MRPL10: variants seen among roughly 807,000 people sequenced by gnomAD.
The protein encoded by MRPL10 is mitochondrial ribosomal protein L10.
A neutral mutation model predicts 19.8 loss-of-function variants in MRPL10; 14 were observed. That is an observed-to-expected ratio of 0.71 (90% CI 0.47 to 1.11). The LOEUF (loss-of-function observed/expected upper bound fraction) is 1.11. Ranked by LOEUF, MRPL10 falls within the 50% of genes least tolerant of loss-of-function variation. MRPL10 has a pLI of 0.00. For missense variants in MRPL10, 318 were observed against 339.6 expected, an observed-to-expected ratio of 0.94 and a Z score of 0.50; for synonymous variants, 129 against 139.2, an observed-to-expected ratio of 0.93 and a Z score of 0.52.
In MRPL10 at chr17:47,831,535, GC is replaced by G. The variant is rs1567952218; in HGVS notation, c.-25del. The stretch of plus-strand genomic sequence containing the variant: ...ATCTCCACCGGAAGAATGGACGGAA[GC>G]CGAGTGGAGACGGAAAGAGCTAAGG... On this transcript the variant is annotated 5_prime_UTR_variant, in exon 1 of 5. Transcript: ENST00000351111. The G allele has an allele frequency of 6.5e-7, 1 of 1,547,140 alleles. No homozygotes were observed. The highest frequency in any genetic ancestry group is 2.0e-5 in the Admixed American group (1 of 50,654).
In MRPL10 at chr17:47,824,032, G is replaced by A; in HGVS notation, c.*173C>T. 1.3e-6 allele frequency: 1 copy of A among 789,290 alleles called. No homozygotes were observed. Among genetic ancestry groups the A allele is most frequent in the Non-Finnish European group, 2.0e-6 (1 of 501,314 alleles). 48.9% of individuals were successfully genotyped at this position (789,290 alleles called of 1,614,324 possible). ...AGGACGAAGCCGGTGACTGACATCT[G>A]AAATGGAATCCTCTGCATCTCCAAG... On this transcript the variant is annotated 3_prime_UTR_variant, in exon 5 of 5. Transcript: ENST00000351111.
chr17:47,831,340 AAGG>A (rs1567951989), intron 1 of MRPL10, 117 bp downstream of exon 1: 11 of 1,537,494 alleles, frequency 7.2e-6, no homozygotes, highest in South Asian at 4.8e-5. Context: ...TGGACGGGGT[AAGG>A]AGGCCAGCGA....
Position 47,827,038 on chromosome 17 carries a change from AC to A in MRPL10, c.387+1del. ...ACCCATGCCAAGGGGCCTGCTCCCT[AC>A]CTGGTTGGGGAAGACCTTCATCAGG... is the stretch of plus-strand genomic sequence containing the variant. On this transcript the variant is annotated splice_donor_variant, in intron 3 of 4. Transcript: ENST00000351111. LOFTEE classifies it high-confidence loss of function. 6.2e-7 allele frequency: 1 copy of A among 1,608,562 alleles called. No individual in the cohort carries two copies. Among genetic ancestry groups the A allele is most frequent in the Non-Finnish European group, 8.5e-7 (1 of 1,176,944 alleles).
chr17:47,828,226 G>T, intron 2 of MRPL10: 2 of 284,290 alleles, frequency 7.0e-6, no homozygotes, highest in Non-Finnish European at 1.3e-5. Context: ...AAAGATTGGA[G>T]AGATACTCTC....
At chr17:47,826,991 G>A (rs375762164) in intron 3 of MRPL10, 49 bp downstream of exon 3, 3 of 1,562,814 alleles carry the variant, frequency 1.9e-6, no homozygotes, top group Non-Finnish European at 2.6e-6. Flanking sequence ...TGAGTCTGGT[G>A]GGGGTGGGGG....
At chr17:47,828,729 C>T in intron 1 of MRPL10, 59 bp from the exon 2 acceptor site, 1 of 1,396,180 alleles carries the variant, frequency 7.2e-7, no homozygotes, top group Non-Finnish European at 9.4e-7. Context: ...TAGTTTATCC[C>T]AAATGGAGAA....
At chr17:47,824,569 T>G in intron 4 of MRPL10, 111 bp from the exon 5 acceptor site, 1 of 1,334,034 alleles carries the variant, frequency 7.5e-7, no homozygotes, top group South Asian at 1.5e-5. Flanking sequence ...AATCCTGCCT[T>G]CCCCAGGACC....
At position 47,824,396 on chromosome 17, in the gene MRPL10, TG is replaced by T. The variant is rs769170139; in HGVS notation, c.594del (p.Ser199AlafsTer10). 1.9e-5 allele frequency: 30 copies of T among 1,600,654 alleles called. No individual in the cohort carries two copies. Among genetic ancestry groups the T allele is most frequent in the Non-Finnish European group, 1.9e-5 (22 of 1,172,174 alleles). On this transcript the variant is annotated frameshift_variant, in exon 5 of 5. Coordinates refer to ENST00000351111, the MANE Select transcript of MRPL10 (RefSeq NM_145255.4). LOFTEE classifies it low-confidence loss of function (END_TRUNC). ...RQGFINYSKL[P>X]SLPLVQGELV... ...AGCTCCCCCTGCACCAGGGGCAGGC[TG>T]GGGAGCTTGGAGTAGTTGATAAAGC...
Position 47,826,786 on chromosome 17 carries a change from G to C in MRPL10, c.388-5C>G. On this transcript the variant is annotated splice_polypyrimidine_tract_variant and splice_region_variant and intron_variant, in intron 3 of 4. Coordinates refer to ENST00000351111, the MANE Select transcript of MRPL10 (RefSeq NM_145255.4). ...CTCCAGGAAGGGCTTCAGGACCTGGGAACAGCAGGGAAAAATGGCTTATCG... is the reference window on the plus strand; with the variant it reads ...CTCCAGGAAGGGCTTCAGGACCTGGCAACAGCAGGGAAAAATGGCTTATCG... The C allele has an allele frequency of 6.2e-7, 1 of 1,614,128 alleles. No homozygotes were observed. The highest frequency in any genetic ancestry group is 2.2e-5 in the East Asian group (1 of 44,884).
intron 2 of MRPL10, 116 bp from the exon 3 acceptor site, chr17:47,827,320 G>T: frequency 2.4e-6 from 2 of 833,500 alleles, no homozygotes; most frequent in East Asian, 5.4e-5. Context: ...CAAAAGATCG[G>T]GGAACAAGTA....
chr17:47,831,500 G>A lies in MRPL10; in HGVS notation c.12C>T (p.Ala4=). ...GACCCCCTCGCAGCATCCCCGCCAC[G>A]GCCGCAGCCATCTCCACCGGAAGAA... The part of the protein sequence containing the change: MAA[A]VAGMLRGGLL... Residue 4 remains alanine, a synonymous_variant, in exon 1 of 5, where the codon GCC becomes GCT. Coordinates refer to ENST00000351111, the MANE Select transcript of MRPL10 (RefSeq NM_145255.4). 1 of 1,550,144 alleles carries A rather than the reference G, an allele frequency of 6.5e-7. No homozygotes were observed. Among genetic ancestry groups the A allele is most frequent in the Non-Finnish European group, 8.7e-7 (1 of 1,146,730 alleles).
rs1254265420 is a variant in MRPL10, at chr17:47,828,659, T to C, written c.64A>G (p.Thr22Ala). 2.0e-6 allele frequency: 3 copies of C among 1,515,250 alleles called. No homozygotes were observed. The highest frequency in any genetic ancestry group is 2.6e-6 in the Non-Finnish European group (3 of 1,143,126). The allele number at this position is 1,515,250 out of a possible 1,614,324, so 93.9% of individuals were successfully genotyped here. The change falls in exon 2 of 5, where the codon ACC (threonine) becomes GCC (alanine). Residue 22 changes from threonine (T) to alanine (A), a missense_variant. Thr to Ala is a moderately conservative substitution (Grantham distance 58). Coordinates refer to ENST00000351111, the MANE Select transcript of MRPL10 (RefSeq NM_145255.4). Reference sequence around the variant, plus strand: ...GAGCCATAGCGGACAGTCTGGAGGGTAGGCAGCCGGCCTGGGAGGGCATAT... The same window carrying C: ...GAGCCATAGCGGACAGTCTGGAGGGCAGGCAGCCGGCCTGGGAGGGCATAT... ...GLLPQAGRLP[T>A]LQTVRYGSKA...
Position 47,826,776 on chromosome 17 carries a change from C to G in MRPL10, c.393G>C (p.Leu131=). 6.2e-7 allele frequency: 1 copy of G among 1,614,194 alleles called. No individual in the cohort carries two copies. Residue 131 remains leucine (L), a synonymous_variant, in exon 4 of 5, where the codon CTG becomes CTC. Transcript: ENST00000351111. ...ACTTGGAATCCTCCAGGAAGGGCTT[C>G]AGGACCTGGGAACAGCAGGGAAAAA... is the stretch of plus-strand genomic sequence containing the variant. ...ILMKVFPNQV[L]KPFLEDSKYQ...
At chr17:47,827,520 T>C (rs17774144) in intron 2 of MRPL10, among the ~76,000 whole-genome samples, 41,307 of 152,172 alleles carry the variant, frequency 0.27, 6,953 homozygotes, top group Non-Finnish European at 0.38. Context: ...GCTAAAATTA[T>C]TTCAATTATC....
At position 47,828,690 on chromosome 17, in the gene MRPL10, C is replaced by A. The variant is rs771953060; in HGVS notation, c.53-20G>T. On this transcript the variant is annotated intron_variant, in intron 1 of 4. Coordinates refer to ENST00000351111, the MANE Select transcript of MRPL10 (RefSeq NM_145255.4). ...GCCGGCCTGGGAGGGCATATAGCAA[C>A]ATGGTTAGAGGCAACCTCCTGGAGG... 48 of 1,503,848 alleles carry A rather than the reference C, an allele frequency of 3.2e-5. No individual in the cohort carries two copies. Among genetic ancestry groups the A allele is most frequent in the Non-Finnish European group, 4.0e-5 (46 of 1,138,944 alleles). The allele number at this position is 1,503,848 out of a possible 1,614,324, so 93.2% of individuals were successfully genotyped here. A position where few individuals can be genotyped will look rare whatever the true frequency, so the allele number is the denominator to read the frequency against.
At chr17:47,826,236 T>C (rs190384656) in intron 4 of MRPL10, among the ~76,000 whole-genome samples, 62 of 151,092 alleles carry the variant, frequency 4.1e-4, no homozygotes, top group African/African-American at 1.5e-3. Context: ...ACATGTGCAG[T>C]ATTCTCTGCC....
chr17:47,827,841 G>A (rs1159489984), intron 2 of MRPL10, among the ~76,000 whole-genome samples: 1 of 124,118 alleles, frequency 8.1e-6, no homozygotes, highest in Non-Finnish European at 1.6e-5. Flanking sequence ...AGGTTGCGAT[G>A]AGCCAAGAGT....
chr17:47,825,460 AC>A (rs1371193407), intron 4 of MRPL10, among the ~76,000 whole-genome samples: 1 of 152,174 alleles, frequency 6.6e-6, no homozygotes, highest in Non-Finnish European at 1.5e-5. Context: ...GAATACAAAT[AC>A]AAAAAATACA....
chr17:47,828,447 T>A, intron 2 of MRPL10, 54 bp downstream of exon 2: 1 of 1,277,602 alleles, frequency 7.8e-7, no homozygotes, highest in Non-Finnish European at 1.0e-6. Flanking sequence ...GAGACAAGAT[T>A]ACTTTAATCC....
Sources: allele counts gnomAD v4.1 joint callset (sites outside exome capture counted in the v4.1 genomes callset), GRCh38; gene constraint gnomAD v4.1.1; transcripts MANE v1.5; gene names NCBI Gene and HGNC (gene_info 2026-07-23, HGNC 2026-07-21).